CREBBP: variants seen among roughly 807,000 people sequenced by gnomAD.
The protein encoded by CREBBP is CREB-binding protein.
CREBBP carries 19 observed loss-of-function variants against 265.0 expected under a neutral mutation model. That is an observed-to-expected ratio of 0.07 (90% confidence interval 0.05 to 0.11). CREBBP has a LOEUF of 0.11. Ranked by LOEUF, CREBBP falls within the 10% of genes least tolerant of loss-of-function variation. The pLI is 1.00. For synonymous variants in CREBBP, 1,457 were observed against 1,223.7 expected (o/e 1.19, Z -3.98); for missense variants, 2,525 against 3,219.0 (o/e 0.78, Z 5.22).
chr16:3,760,118 G>A (rs1409065563), intron 16 of CREBBP, among the ~76,000 whole-genome samples: 2 of 152,182 alleles, frequency 1.3e-5, no homozygotes, highest in East Asian at 3.9e-4. Context: ...TTGAGACAAG[G>A]TCGCACTCTG....
At chr16:3,737,437 A>G (rs2052091265) in intron 26 of CREBBP, among the ~76,000 whole-genome samples, 1 of 151,694 alleles carries the variant, frequency 6.6e-6, no homozygotes, top group Non-Finnish European at 1.5e-5. Flanking sequence ...GGCAGGAGGA[A>G]CATTTTTTTT....
intron 1 of CREBBP, among the ~76,000 whole-genome samples, chr16:3,860,192 T>G (rs1424818031): frequency 1.3e-5 from 2 of 152,132 alleles, no homozygotes; most frequent in Admixed American, 6.5e-5. Context: ...ACACTGAGTA[T>G]AGGAATAAAG....
intron 5 of CREBBP, among the ~76,000 whole-genome samples, chr16:3,783,662 A>C (rs2053324217): frequency 6.6e-6 from 1 of 152,206 alleles, no homozygotes; most frequent in South Asian, 2.1e-4. Flanking sequence ...CATGGGTCTT[A>C]TTATCCAGGG....
intron 19 of CREBBP, among the ~76,000 whole-genome samples, chr16:3,753,617 C>A (rs929491667): frequency 6.6e-6 from 1 of 151,882 alleles, no homozygotes; most frequent in Non-Finnish European, 1.5e-5. Context: ...TTGTAAATAT[C>A]CTAAAATCCG....
chr16:3,794,054 G>A (rs919709502), intron 3 of CREBBP, among the ~76,000 whole-genome samples: 10 of 152,166 alleles, frequency 6.6e-5, no homozygotes, highest in South Asian at 2.1e-4. Flanking sequence ...CTGGCCGAGC[G>A]CGTTGGCTCA....
intron 1 of CREBBP, among the ~76,000 whole-genome samples, chr16:3,854,959 G>C (rs948559375): frequency 3.9e-5 from 6 of 152,178 alleles, no homozygotes; most frequent in Admixed American, 3.3e-4. Context: ...GTTCTCCTAA[G>C]TACTTCAGTA....
At chr16:3,779,590 G>C (rs1171867021) in intron 8 of CREBBP, among the ~76,000 whole-genome samples, 1 of 152,178 alleles carries the variant, frequency 6.6e-6, no homozygotes, top group Non-Finnish European at 1.5e-5. Flanking sequence ...GTCAATACAT[G>C]AATGAAGTTA....
chr16:3,785,510 T>C (rs2053365061), intron 5 of CREBBP, among the ~76,000 whole-genome samples: 1 of 152,220 alleles, frequency 6.6e-6, no homozygotes, highest in African/African-American at 2.4e-5. Flanking sequence ...AATGTCAAAT[T>C]CGGTTTTGCT....
intron 30 of CREBBP, among the ~76,000 whole-genome samples, chr16:3,730,157 T>C (rs1387354857): frequency 6.6e-6 from 1 of 152,188 alleles, no homozygotes; most frequent in African/African-American, 2.4e-5. Flanking sequence ...CCTTCACTCC[T>C]GGCAACAGCC....
chr16:3,879,529 C>A (rs1424379528), intron 1 of CREBBP, among the ~76,000 whole-genome samples: 1 of 152,236 alleles, frequency 6.6e-6, no homozygotes, highest in Non-Finnish European at 1.5e-5. Context: ...TAGGACATTA[C>A]CAAACAAACC....
At chr16:3,790,698 G>A (rs2053488235) in intron 5 of CREBBP, among the ~76,000 whole-genome samples, 1 of 152,134 alleles carries the variant, frequency 6.6e-6, no homozygotes, top group South Asian at 2.1e-4. Flanking sequence ...CTGTAGGGAG[G>A]CAGATAACAG....
intron 26 of CREBBP, 116 bp from the exon 27 acceptor site, chr16:3,736,931 AGAAT>A: frequency 1.6e-6 from 2 of 1,274,332 alleles, no homozygotes; most frequent in Non-Finnish European, 2.2e-6. Flanking sequence ...CCAGAGAGAG[AGAAT>A]GAATGCCCAC....
intron 1 of CREBBP, among the ~76,000 whole-genome samples, chr16:3,855,540 C>G (rs1033507841): frequency 6.6e-6 from 1 of 152,234 alleles, no homozygotes. Context: ...GCTAGGATTA[C>G]AGGCGTGAGC....
At chr16:3,816,097 A>T (rs2054032198) in intron 2 of CREBBP, among the ~76,000 whole-genome samples, 1 of 152,202 alleles carries the variant, frequency 6.6e-6, no homozygotes, top group Admixed American at 6.5e-5. Context: ...AACTCCTTTA[A>T]GCATTTAATT....
chr16:3,778,954 G>A (rs2053209832), intron 8 of CREBBP, 137 bp from the exon 9 acceptor site: 3 of 681,658 alleles, frequency 4.4e-6, no homozygotes, highest in Non-Finnish European at 5.2e-6. Flanking sequence ...ATCACCTGAG[G>A]TCAGCAGTTT....
Position 3,728,600 on chromosome 16 carries a change from C to T in CREBBP, c.6447G>A (p.Val2149=), listed in dbSNP as rs767792190. The T allele has an allele frequency of 6.2e-7, 1 of 1,613,758 alleles. No individual in the cohort carries two copies. The highest frequency in any genetic ancestry group is 8.5e-7 in the Non-Finnish European group (1 of 1,179,962). The change falls in exon 31 of 31, where the codon GTG becomes GTA. Residue 2149 remains valine (V), a synonymous_variant. Transcript: ENST00000262367. This position sits in a 1 kb window ranked among gnomAD's most constrained non-coding sequence, Gnocchi z 8.7. ...LQNLNAMQAG[V]PRPGVPPQQQ... ...GCTGTGGAGGCACACCGGGCCGCGG[C>T]ACGCCAGCCTGCATGGCATTCAGGT... is the stretch of plus-strand genomic sequence containing the variant.
At chr16:3,849,463 GTGTGTGTGTGTGTGTGTGTGTGTGTGA>G (rs2054775135) in intron 2 of CREBBP, among the ~76,000 whole-genome samples, 1 of 133,702 alleles carries the variant, frequency 7.5e-6, no homozygotes. Context: ...GTGTGTGTGT[GTGTGTGTGTGTGTGTGTGTGTGTGTGA>G]TGTGCGTGAC....
chr16:3,739,832 A>G lies in CREBBP; in HGVS notation c.4134-108T>C. 3 of 1,488,600 alleles carry G rather than the reference A, an allele frequency of 2.0e-6. No individual in the cohort carries two copies. The Admixed American group carries it at 5.1e-5, about 25-fold the overall frequency. 92.2% of individuals were successfully genotyped at this position (1,488,600 alleles called of 1,614,324 possible). A position where few individuals can be genotyped will look rare whatever the true frequency, so the allele number is the denominator to read the frequency against. On this transcript the variant is annotated intron_variant, in intron 24 of 30. Transcript: ENST00000262367. The stretch of plus-strand genomic sequence containing the variant: ...CTGGCCACTGCAGATGAGCGGAGGC[A>G]TGGCCACCTCCTCAGACCGTGGCCT...
At chr16:3,829,562 C>T in intron 2 of CREBBP, among the ~76,000 whole-genome samples, 1 of 152,164 alleles carries the variant, frequency 6.6e-6, no homozygotes, top group East Asian at 1.9e-4. Flanking sequence ...GTTTCAAGAT[C>T]TTGCTGAACA....
Sources: allele counts gnomAD v4.1 joint callset (sites outside exome capture counted in the v4.1 genomes callset), GRCh38; gene constraint gnomAD v4.1.1; non-coding constraint Gnocchi (gnomAD v3.1); transcripts MANE v1.5; gene names NCBI Gene and HGNC (gene_info 2026-07-23, HGNC 2026-07-21).